Variants in CLASP2 observed in about 807,000 individuals in gnomAD.
CLASP2 encodes the protein CLIP-associating protein 2.
Under a neutral mutation model 194.4 loss-of-function variants are expected in CLASP2, and 47 were observed. The observed-to-expected ratio is 0.24, with a 90% CI of 0.19 to 0.31. The LOEUF is 0.31. Ranked by LOEUF, CLASP2 falls within the 10% of genes least tolerant of loss-of-function variation. CLASP2 has a pLI of 1.00. For synonymous variants in CLASP2, 619 were observed against 633.5 expected (o/e 0.98, Z 0.34); for missense variants, 1,445 against 1,823.6 (o/e 0.79, Z 3.78).
chr3:33,537,497 T>C (rs893040610), intron 33 of CLASP2, among the ~76,000 whole-genome samples: 5 of 152,190 alleles, frequency 3.3e-5, no homozygotes, highest in African/African-American at 1.2e-4. Flanking sequence ...GGATGGCTCA[T>C]TTTGTGAAAA....
At chr3:33,507,959 T>C (rs1472216758) in intron 37 of CLASP2, among the ~76,000 whole-genome samples, 3 of 149,386 alleles carry the variant, frequency 2.0e-5, no homozygotes, top group African/African-American at 7.3e-5. Context: ...AGGCCAAATA[T>C]ATATATATAT....
rs772549060 is a variant in CLASP2 at position 33,501,678 on chromosome 3, G to A, written c.4408C>T (p.His1470Tyr). 6 of 1,612,662 alleles carry A rather than the reference G, an allele frequency of 3.7e-6. No individual in the cohort carries two copies. In the South Asian group the frequency reaches 6.6e-5, roughly 18 times the overall value. ...HAVIGDELKP[H>Y]LSQLTGSKMK... ...TTACTGCCAGTAAGTTGACTGAGAT[G>A]TGGTTTTAGTTCATCACCAATTACC... Residue 1470 changes from histidine (H) to tyrosine (Y), a missense_variant, in exon 38 of 39, where the codon CAT becomes TAT. Coordinates refer to ENST00000682230, the MANE Select transcript of CLASP2 (RefSeq NM_001365631.1).
intron 31 of CLASP2, 93 bp downstream of exon 31, chr3:33,544,605 T>C: frequency 5.1e-6 from 6 of 1,180,688 alleles, no homozygotes; most frequent in Non-Finnish European, 7.0e-6. Flanking sequence ...AAATTATATA[T>C]TAAGGATCAA....
intron 29 of CLASP2, chr3:33,558,304 T>A (rs1160269380): frequency 6.6e-6 from 1 of 152,242 alleles, no homozygotes; most frequent in African/African-American, 2.4e-5. Flanking sequence ...CAGACACTTT[T>A]CGGTTTACAA....
intron 27 of CLASP2, 71 bp from the exon 28 acceptor site, chr3:33,561,042 C>T (rs887604351): frequency 7.2e-5 from 96 of 1,330,166 alleles, no homozygotes; most frequent in African/African-American, 3.2e-4. Context: ...CAATTCAAAG[C>T]GAATACAGAA....
chr3:33,565,874 CTA>C (rs1356297500), intron 27 of CLASP2, among the ~76,000 whole-genome samples: 3 of 151,602 alleles, frequency 2.0e-5, no homozygotes, highest in Non-Finnish European at 2.9e-5. Context: ...TGTTAATTGA[CTA>C]TGTTATTGGT....
Position 33,603,113 on chromosome 3 carries a change from C to A in CLASP2, c.1763G>T (p.Ser588Ile). 1 of 1,577,752 alleles carries A rather than the reference C, an allele frequency of 6.3e-7. No homozygotes were observed. Among genetic ancestry groups the A allele is most frequent in the Non-Finnish European group, 8.6e-7 (1 of 1,159,120 alleles). ...TCCTGGAAGGGAACTGGCTTTGCTGCTGCCTGCTGATACTACGAAATACAA... is the reference window on the plus strand; with the variant it reads ...TCCTGGAAGGGAACTGGCTTTGCTGATGCCTGCTGATACTACGAAATACAA... ...STVAGRVSAG[S>I]SKASSLPGSL... Residue 588 changes from serine (S) to isoleucine (I), a missense_variant, in exon 18 of 39, where the codon AGC becomes ATC. By Grantham distance (142) the Ser-to-Ile change is moderately radical (BLOSUM62 -2). Transcript: ENST00000682230.
intron 34 of CLASP2, among the ~76,000 whole-genome samples, chr3:33,529,612 A>C (rs540926399): frequency 1.3e-5 from 2 of 152,312 alleles, no homozygotes; most frequent in African/African-American, 4.8e-5. Context: ...CCTAAGACAC[A>C]AACACACACA....
rs191557478 is a variant in CLASP2 at position 33,560,424 on chromosome 3, G to C, written c.2930+384C>G. ...TGCCTGGCTAATTTTTGTATTTTTA[G>C]TAGAGATATGGTTTCACCATGTTGA... On this transcript the variant is annotated intron_variant, in intron 28 of 38. Coordinates refer to ENST00000682230, the MANE Select transcript of CLASP2 (RefSeq NM_001365631.1). 1.2e-3 allele frequency among the ~76,000 whole-genome samples: 179 copies of C among 151,984 alleles called. 1 individual carries two copies. In the East Asian group the frequency reaches 0.03, roughly 26 times the overall value.
At chr3:33,651,327 G>A (rs1485302152) in intron 7 of CLASP2, among the ~76,000 whole-genome samples, 1 of 147,830 alleles carries the variant, frequency 6.8e-6, no homozygotes, top group Non-Finnish European at 1.5e-5. Flanking sequence ...AGGCTGCAGT[G>A]AGCCAAGATC....
chr3:33,541,668 T>C (rs2058387405), intron 32 of CLASP2, among the ~76,000 whole-genome samples: 1 of 152,154 alleles, frequency 6.6e-6, no homozygotes, highest in Non-Finnish European at 1.5e-5. Flanking sequence ...GACATGATCT[T>C]ATTCTGTTTT....
intron 34 of CLASP2, among the ~76,000 whole-genome samples, chr3:33,527,649 G>A (rs986922760): frequency 1.3e-5 from 2 of 152,090 alleles, no homozygotes; most frequent in Non-Finnish European, 2.9e-5. Context: ...ACCAAAACCT[G>A]GCAGAGTCTG....
At chr3:33,508,265 T>C (rs769566529) in intron 37 of CLASP2, among the ~76,000 whole-genome samples, 9 of 151,744 alleles carry the variant, frequency 5.9e-5, no homozygotes, top group Non-Finnish European at 1.3e-4. Flanking sequence ...GTGATCCTCT[T>C]ACCTTGGCTT....
At chr3:33,599,369 C>T (rs1196572220) in intron 18 of CLASP2, among the ~76,000 whole-genome samples, 7 of 152,160 alleles carry the variant, frequency 4.6e-5, no homozygotes, top group East Asian at 1.9e-4. Context: ...GCAATTCACC[C>T]GCCTCAACCT....
rs766247309 is a variant in CLASP2, at chr3:33,689,856, C to T, written c.351G>A (p.Lys117=). ...VRDEAQTLIL[K]LMDQVAPPMY... is the part of the protein sequence containing the mutation. Reference sequence around the variant, plus strand: ...TAGGTGGTGCTACTTGATCCATTAACTTCAATATCAGAGTCTGAGCTTCAT... The same window carrying T: ...TAGGTGGTGCTACTTGATCCATTAATTTCAATATCAGAGTCTGAGCTTCAT... The change falls in exon 3 of 39, where the codon AAG becomes AAA. Residue 117 remains lysine (K), a synonymous_variant. Coordinates refer to ENST00000682230, the MANE Select transcript of CLASP2 (RefSeq NM_001365631.1). The T allele has an allele frequency of 6.3e-7, 1 of 1,595,748 alleles. No individual in the cohort carries two copies. The highest frequency in any genetic ancestry group is 1.1e-5 in the South Asian group (1 of 87,128).
At chr3:33,531,896 A>C (rs1384243396) in intron 34 of CLASP2, among the ~76,000 whole-genome samples, 1 of 152,246 alleles carries the variant, frequency 6.6e-6, no homozygotes, top group East Asian at 1.9e-4. Context: ...AGGATATGGG[A>C]AACTGAAACC....
chr3:33,623,162 T>A (rs542285415), intron 10 of CLASP2, among the ~76,000 whole-genome samples: 2 of 152,352 alleles, frequency 1.3e-5, no homozygotes, highest in East Asian at 3.9e-4. Flanking sequence ...TACATTTTTA[T>A]GAAGTACATG....
chr3:33,668,690 G>A (rs1014542212), intron 6 of CLASP2, among the ~76,000 whole-genome samples: 1 of 152,134 alleles, frequency 6.6e-6, no homozygotes, highest in African/African-American at 2.4e-5. Flanking sequence ...AAAACACTCT[G>A]CATGTTTGAA....
At chr3:33,645,976 A>T (rs1005746717) in intron 7 of CLASP2, among the ~76,000 whole-genome samples, 1 of 138,956 alleles carries the variant, frequency 7.2e-6, no homozygotes, top group Non-Finnish European at 1.6e-5. Context: ...ACACACACAC[A>T]ATGTATTTTA....
Sources: allele counts gnomAD v4.1 joint callset (sites outside exome capture counted in the v4.1 genomes callset), GRCh38; gene constraint gnomAD v4.1.1; transcripts MANE v1.5; gene names NCBI Gene and HGNC (gene_info 2026-07-23, HGNC 2026-07-21).